Variants in TAFA2 observed in about 807,000 individuals in gnomAD.
The protein encoded by TAFA2 is chemokine-like protein TAFA-2.
TAFA2 carries 7 observed loss-of-function variants against 18.8 expected under a neutral mutation model. The ratio of observed to expected loss-of-function variants is 0.37; its 90% CI spans 0.21 to 0.70. TAFA2 has a LOEUF of 0.70. Among genes scored for constraint, TAFA2 ranks in the 30% least tolerant of loss-of-function variants. TAFA2 has a pLI of 0.53. For synonymous variants in TAFA2, 60 were observed against 54.2 expected (o/e 1.11, Z -0.47); for missense variants, 122 against 158.1 (o/e 0.77, Z 1.23).
intron 1 of TAFA2, among the ~76,000 whole-genome samples, chr12:62,065,932 T>G (rs1055839202): frequency 6.6e-6 from 1 of 151,986 alleles, no homozygotes; most frequent in African/African-American, 2.4e-5. Flanking sequence ...CAATTATTAA[T>G]ATCAATGTAA....
chr12:62,221,491 ATTAG>A (rs1466548082), intron 1 of TAFA2, among the ~76,000 whole-genome samples: 1 of 152,154 alleles, frequency 6.6e-6, no homozygotes. Context: ...TCTAAGTGCT[ATTAG>A]TTCAGGGAAA....
intron 2 of TAFA2, among the ~76,000 whole-genome samples, chr12:61,763,263 A>G (rs542434471): frequency 6.6e-6 from 1 of 152,234 alleles, no homozygotes; most frequent in South Asian, 2.1e-4. Flanking sequence ...GGAAAAAAGA[A>G]AATGAAATTT....
intron 2 of TAFA2, among the ~76,000 whole-genome samples, chr12:61,800,837 A>G (rs1473569912): frequency 1.3e-5 from 2 of 152,156 alleles, no homozygotes; most frequent in Admixed American, 6.6e-5. Flanking sequence ...CTTTATGGAG[A>G]AAAGTCCTTT....
chr12:61,737,885 C>G (rs1868330077), intron 4 of TAFA2, among the ~76,000 whole-genome samples: 1 of 151,878 alleles, frequency 6.6e-6, no homozygotes, highest in Non-Finnish European at 1.5e-5. Flanking sequence ...AAGCATAGAA[C>G]AAAGCTTGCT....
chr12:61,792,866 GAAAAAAATAGTAAGAATATAGAA>G (rs1432855164), intron 2 of TAFA2, among the ~76,000 whole-genome samples: 1 of 151,140 alleles, frequency 6.6e-6, no homozygotes, highest in Non-Finnish European at 1.5e-5. Context: ...TTAAAAAGTA[GAAAAAAATAGTAAGAATATAGAA>G]AATTTGCACA....
intron 4 of TAFA2, among the ~76,000 whole-genome samples, chr12:61,738,123 T>G (rs560428311): frequency 2.6e-5 from 4 of 152,088 alleles, no homozygotes; most frequent in African/African-American, 9.6e-5. Context: ...CTACTTGGTG[T>G]TTTGTGATTT....
At chr12:61,849,894 A>C (rs1350699955) in intron 2 of TAFA2, among the ~76,000 whole-genome samples, 5 of 152,184 alleles carry the variant, frequency 3.3e-5, no homozygotes, top group Non-Finnish European at 5.9e-5. Context: ...TCTAGTTATT[A>C]TATTAGTTCC....
chr12:62,157,469 C>A (rs1488659548), intron 1 of TAFA2, among the ~76,000 whole-genome samples: 1 of 152,124 alleles, frequency 6.6e-6, no homozygotes, highest in Non-Finnish European at 1.5e-5. Flanking sequence ...TCTTAAGGAG[C>A]AGATTGTTTG....
rs150677781 is a variant in TAFA2 at position 62,059,431 on chromosome 12, G to A, written c.-2+131828C>T. On this transcript the variant is annotated intron_variant, in intron 1 of 4. Transcript: ENST00000416284. ...GCATGAAGAACAGTCTATTGAGTAG[G>A]ATTGGGGAGACAAGCAACAACTATG... 7.7e-3 allele frequency among the ~76,000 whole-genome samples: 1,172 copies of A among 152,246 alleles called. 7 individuals carry two copies. The highest frequency in any genetic ancestry group is 0.027 in the African/African-American group (1,104 of 41,536).
intron 2 of TAFA2, among the ~76,000 whole-genome samples, chr12:61,780,664 A>G (rs1443514868): frequency 2.0e-5 from 3 of 151,604 alleles, no homozygotes; most frequent in African/African-American, 2.4e-5. Flanking sequence ...TTTGATAAAC[A>G]ATGATTAGCA....
At chr12:61,824,867 C>T (rs1872478172) in intron 2 of TAFA2, among the ~76,000 whole-genome samples, 1 of 152,068 alleles carries the variant, frequency 6.6e-6, no homozygotes, top group African/African-American at 2.4e-5. Context: ...GTTGTCAATG[C>T]AAGAGTTTAA....
chr12:61,977,873 A>G (rs1202596175), intron 1 of TAFA2, among the ~76,000 whole-genome samples: 2 of 151,766 alleles, frequency 1.3e-5, no homozygotes, highest in Non-Finnish European at 2.9e-5. Flanking sequence ...ATCAGTTTTC[A>G]GATATCCTTT....
chr12:61,749,099 T>C (rs7980115), intron 4 of TAFA2, among the ~76,000 whole-genome samples: 76,840 of 149,168 alleles, frequency 0.52, 20,181 homozygotes, highest in African/African-American at 0.63. Flanking sequence ...AACCCCGTTG[T>C]TACTAAAAAT....
chr12:61,774,726 C>T (rs186019367), intron 2 of TAFA2, among the ~76,000 whole-genome samples: 1 of 151,552 alleles, frequency 6.6e-6, no homozygotes, highest in Non-Finnish European at 1.5e-5. Flanking sequence ...GTGTACACTC[C>T]TCTGGTGATG....
chr12:61,746,176 T>A (rs866232381), intron 4 of TAFA2, among the ~76,000 whole-genome samples: 1 of 151,752 alleles, frequency 6.6e-6, no homozygotes, highest in South Asian at 2.1e-4. Flanking sequence ...GTTCTCATGA[T>A]AGTGAGTGAG....
intron 2 of TAFA2, among the ~76,000 whole-genome samples, chr12:61,809,625 TA>T (rs775782331): frequency 2.6e-5 from 4 of 151,048 alleles, no homozygotes; most frequent in Non-Finnish European, 4.4e-5. Context: ...ATTTTTAATT[TA>T]AAAAAAAGCA....
chr12:61,770,318 A>T (rs1231021720), intron 2 of TAFA2, among the ~76,000 whole-genome samples: 1 of 152,156 alleles, frequency 6.6e-6, no homozygotes, highest in African/African-American at 2.4e-5. Context: ...ATATTTGAGA[A>T]AATAATAGGG....
At chr12:61,895,925 T>G (rs1416715589) in intron 1 of TAFA2, among the ~76,000 whole-genome samples, 1 of 152,000 alleles carries the variant, frequency 6.6e-6, no homozygotes, top group South Asian at 2.1e-4. Context: ...AAATATTTGG[T>G]TATATACAGA....
chr12:62,075,750 TCTTG>T (rs1868247062), intron 1 of TAFA2, among the ~76,000 whole-genome samples: 2 of 152,334 alleles, frequency 1.3e-5, no homozygotes, highest in Admixed American at 1.3e-4. Context: ...TTGTTTTTAC[TCTTG>T]CAGACTTATT....
Sources: gnomAD v4.1 joint callset for allele counts (sites outside exome capture counted in the v4.1 genomes callset) on GRCh38, gnomAD v4.1.1 for gene constraint, MANE v1.5 for transcripts, NCBI Gene and HGNC (gene_info 2026-07-23, HGNC 2026-07-21) for gene names.